The following NXPE4 variants were observed in gnomAD, a reference collection of about 807,000 sequenced individuals.
The protein encoded by NXPE4 is neurexophilin and PC-esterase domain family member 4, also known as NXPE family member 4.
NXPE4 carries 42 observed loss-of-function variants against 33.3 expected under a neutral mutation model. That is an observed-to-expected ratio of 1.26 (90% CI 0.98 to 1.63). NXPE4 has a LOEUF of 1.63. Among genes scored for constraint, NXPE4 ranks in the 40% most tolerant of loss-of-function variants. NXPE4 has a pLI of 0.00. For missense variants in NXPE4, 709 were observed against 647.6 expected (o/e 1.09, Z -1.03); for synonymous variants, 253 against 234.9 (o/e 1.08, Z -0.71).
chr11:114,613,438 T>A, the NXPE4 span, among the ~76,000 whole-genome samples: 1 of 151,888 alleles, frequency 6.6e-6, no homozygotes, highest in Non-Finnish European at 1.5e-5. Flanking sequence ...AAGTGTTGCC[T>A]CTTGTGTAAC....
the NXPE4 span, among the ~76,000 whole-genome samples, chr11:114,627,908 C>G: frequency 2.6e-5 from 4 of 151,562 alleles, no homozygotes. Context: ...CAACAAAGAT[C>G]AAAAGAGACA....
the NXPE4 span, among the ~76,000 whole-genome samples, chr11:114,635,948 C>G: frequency 7.2e-5 from 11 of 151,912 alleles, no homozygotes; most frequent in Non-Finnish European, 1.0e-4. Context: ...TTTCTCTGCC[C>G]GTCTTTGGTA....
chr11:114,638,355 A>T, the NXPE4 span, among the ~76,000 whole-genome samples: 1 of 151,698 alleles, frequency 6.6e-6, no homozygotes, highest in Non-Finnish European at 1.5e-5. Context: ...TATTCTAGTT[A>T]TCCATTCGTC....
chr11:114,573,381 TG>T (rs1565327429), intron 5 of NXPE4, among the ~76,000 whole-genome samples: 1 of 152,118 alleles, frequency 6.6e-6, no homozygotes, highest in Non-Finnish European at 1.5e-5. Context: ...TGAATGTAAA[TG>T]ACCTGAATGC....
the NXPE4 span, among the ~76,000 whole-genome samples, chr11:114,613,975 T>C: frequency 4.8e-4 from 72 of 151,562 alleles, no homozygotes; most frequent in African/African-American, 1.2e-3. Context: ...GGATAATAAG[T>C]ATTGCCTCTA....
the NXPE4 span, among the ~76,000 whole-genome samples, chr11:114,672,572 A>G: frequency 1.3e-5 from 2 of 152,020 alleles, no homozygotes; most frequent in Admixed American, 6.6e-5. Flanking sequence ...TATACTGCCT[A>G]CAAGACACAT....
chr11:114,634,657 G>C, the NXPE4 span, among the ~76,000 whole-genome samples: 2 of 152,018 alleles, frequency 1.3e-5, no homozygotes, highest in Non-Finnish European at 2.9e-5. Flanking sequence ...GTAAGGAAGG[G>C]ATCCAGTTTC....
chr11:114,646,877 AGGAACTTGATAG>A, the NXPE4 span, among the ~76,000 whole-genome samples: 1 of 152,222 alleles, frequency 6.6e-6, no homozygotes, highest in Non-Finnish European at 1.5e-5. Flanking sequence ...AACAGAGCAA[AGGAACTTGATAG>A]AAGCAAGGCA....
At chr11:114,624,628 C>T in the NXPE4 span, among the ~76,000 whole-genome samples, 1 of 151,884 alleles carries the variant, frequency 6.6e-6, no homozygotes, top group Non-Finnish European at 1.5e-5. Flanking sequence ...ACCACTGTTA[C>T]CCAGTGGATA....
chr11:114,584,228 C>A, intron 2 of NXPE4: 1 of 420,534 alleles, frequency 2.4e-6, no homozygotes, highest in South Asian at 2.0e-5. Flanking sequence ...ATGGAGATCC[C>A]TAATGAGCCT....
chr11:114,636,010 C>T, the NXPE4 span, among the ~76,000 whole-genome samples: 10 of 152,028 alleles, frequency 6.6e-5, no homozygotes, highest in South Asian at 2.1e-3. Context: ...CCCTCTTTTT[C>T]TATTGATTGG....
At chr11:114,590,392 C>G (rs1479340899) in intron 2 of NXPE4, among the ~76,000 whole-genome samples, 1 of 152,150 alleles carries the variant, frequency 6.6e-6, no homozygotes, top group African/African-American at 2.4e-5. Flanking sequence ...CCTTCCCCCT[C>G]CCTAAAATCC....
intron 5 of NXPE4, among the ~76,000 whole-genome samples, chr11:114,577,425 A>G (rs983685465): frequency 6.6e-6 from 1 of 152,036 alleles, no homozygotes; most frequent in Non-Finnish European, 1.5e-5. Context: ...GCGAGGGATA[A>G]AAGACTATAC....
intron 1 of NXPE4, among the ~76,000 whole-genome samples, 194 bp downstream of exon 1, chr11:114,595,398 G>T (rs1297915994): frequency 3.3e-5 from 5 of 151,870 alleles, no homozygotes; most frequent in African/African-American, 1.2e-4. Flanking sequence ...TTTTAACTTG[G>T]AACTTTAAAC....
the NXPE4 span, among the ~76,000 whole-genome samples, chr11:114,611,568 C>A: frequency 6.6e-6 from 1 of 151,728 alleles, no homozygotes; most frequent in African/African-American, 2.4e-5. Flanking sequence ...ACCAGTATTA[C>A]CTGCTGGATA....
At chr11:114,650,771 G>C in the NXPE4 span, among the ~76,000 whole-genome samples, 2 of 152,100 alleles carry the variant, frequency 1.3e-5, no homozygotes, top group African/African-American at 2.4e-5. Flanking sequence ...AGAAGGAGGA[G>C]CAAGAACTCT....
chr11:114,606,673 C>T, the NXPE4 span, among the ~76,000 whole-genome samples: 77 of 151,964 alleles, frequency 5.1e-4, 1 homozygote, highest in South Asian at 0.011. Flanking sequence ...GTAAGTATTG[C>T]ATCATGGGTC....
chr11:114,600,557 C>A (rs1417476607), upstream of NXPE4, among the ~76,000 whole-genome samples: 1 of 151,914 alleles, frequency 6.6e-6, no homozygotes, highest in Non-Finnish European at 1.5e-5. Flanking sequence ...TGACGTTCTA[C>A]AAAATAATAT....
chr11:114,580,527 T>C (rs1465343595), intron 4 of NXPE4, among the ~76,000 whole-genome samples, 189 bp from the exon 5 acceptor site: 1 of 152,174 alleles, frequency 6.6e-6, no homozygotes, highest in Non-Finnish European at 1.5e-5. Context: ...CTGATGTGAA[T>C]TTCCTAAATA....
Sources: allele counts gnomAD v4.1 joint callset (sites outside exome capture counted in the v4.1 genomes callset), GRCh38; gene constraint gnomAD v4.1.1; transcripts MANE v1.5; gene names NCBI Gene and HGNC (gene_info 2026-07-23, HGNC 2026-07-21).